Variants in OSMR observed in about 807,000 individuals in gnomAD.
OSMR encodes oncostatin-M-specific receptor subunit beta.
A neutral mutation model predicts 99.9 loss-of-function variants in OSMR; 81 were observed. The observed-to-expected ratio is 0.81, with a 90% CI of 0.68 to 0.97. OSMR has a LOEUF of 0.97. Ranked by LOEUF, OSMR falls within the 50% of genes least tolerant of loss-of-function variation. The pLI is 0.00. For missense variants in OSMR, 1,099 were observed against 1,153.4 expected (o/e 0.95, Z 0.68); for synonymous variants, 406 against 410.4 (o/e 0.99, Z 0.13).
At chr5:38,868,839 A>C (rs1742147895) in intron 1 of OSMR, 193 bp from the exon 2 acceptor site, 1 of 191,810 alleles carries the variant, frequency 5.2e-6, no homozygotes, top group African/African-American at 2.4e-5. Context: ...AGACCCAAAA[A>C]GGTCCCATGG....
At chr5:38,943,016 T>C (rs969099161) in intron 1 of OSMR, 2 of 1,437,124 alleles carry the variant, frequency 1.4e-6, no homozygotes, top group Non-Finnish European at 2.0e-6. Flanking sequence ...AATCATGATG[T>C]ATCTATTTTT....
At chr5:38,877,741 C>T (rs1423157829) in intron 3 of OSMR, among the ~76,000 whole-genome samples, 1 of 152,138 alleles carries the variant, frequency 6.6e-6, no homozygotes, top group Non-Finnish European at 1.5e-5. Flanking sequence ...TAACATTAAC[C>T]ATAGACTACA....
chr5:38,919,122 T>C, intron 11 of OSMR, 60 bp downstream of exon 11: 3 of 1,589,248 alleles, frequency 1.9e-6, no homozygotes, highest in Non-Finnish European at 2.6e-6. Flanking sequence ...ATGACGTTAT[T>C]AAGTAGTGAT....
chr5:38,931,876 C>T lies in OSMR; in HGVS notation c.2213-7C>T, dbSNP rs945632821. 14 of 1,611,650 alleles carry T rather than the reference C, an allele frequency of 8.7e-6. No homozygotes were observed. The highest frequency in any genetic ancestry group is 3.3e-5 in the Admixed American group (2 of 59,988). ...TTAAAAATGTCCCTTTCTTTTTCCT[C>T]GTTCAGCCTCGATGCTGATTCATAT... On this transcript the variant is annotated splice_region_variant and splice_polypyrimidine_tract_variant and intron_variant, in intron 15 of 17. Coordinates refer to ENST00000274276, the MANE Select transcript of OSMR (RefSeq NM_003999.3).
At chr5:38,879,664 C>T (rs1472397799) in intron 3 of OSMR, among the ~76,000 whole-genome samples, 1 of 144,618 alleles carries the variant, frequency 6.9e-6, no homozygotes, top group Non-Finnish European at 1.5e-5. Context: ...CACTCTGTTG[C>T]CCAGGGTGGA....
rs552942813 is a variant in OSMR at position 38,934,815 on chromosome 5, ATTAT to A, written c.*1374_*1377del. The A allele has an allele frequency of 1.3e-5, 2 of 148,358 alleles. No individual in the cohort carries two copies. The highest frequency in any genetic ancestry group is 2.1e-4 in the East Asian group (1 of 4,818). 9.2% of individuals were successfully genotyped at this position (148,358 alleles called of 1,614,324 possible). A position where few individuals can be genotyped will look rare whatever the true frequency, so the allele number is the denominator to read the frequency against. ...CCACCATGCCCAGCCTATTTGTCAC[ATTAT>A]TTGTCACATTTATTTTACTTTTATT... On this transcript the variant is annotated 3_prime_UTR_variant, in exon 18 of 18. Transcript: ENST00000274276.
At chr5:38,936,031 G>T (rs1423880195), downstream of OSMR, among the ~76,000 whole-genome samples, 1 of 152,114 alleles carries the variant, frequency 6.6e-6, no homozygotes, top group Non-Finnish European at 1.5e-5. Flanking sequence ...AATACTATAT[G>T]CCATCTTAAC....
At chr5:38,919,102 G>A in intron 11 of OSMR, 40 bp downstream of exon 11, 1 of 1,607,212 alleles carries the variant, frequency 6.2e-7, no homozygotes, top group Non-Finnish European at 8.5e-7. Context: ...TATTCTCTAG[G>A]AAAATGTTGA....
chr5:38,884,463 G>C (rs1743552119), intron 5 of OSMR, among the ~76,000 whole-genome samples: 1 of 152,146 alleles, frequency 6.6e-6, no homozygotes, highest in Non-Finnish European at 1.5e-5. Context: ...GACAACCATG[G>C]AGTCAGCCAG....
intron 11 of OSMR, among the ~76,000 whole-genome samples, chr5:38,920,369 C>T (rs1746173324): frequency 6.6e-6 from 1 of 152,170 alleles, no homozygotes; most frequent in African/African-American, 2.4e-5. Flanking sequence ...TTTGATCTAC[C>T]TCCATCTCTC....
At chr5:38,938,585 T>C, downstream of OSMR, 2 of 232,796 alleles carry the variant, frequency 8.6e-6, no homozygotes, top group East Asian at 6.1e-5. Context: ...ATTACAAAAA[T>C]ACTCCAAACA....
intron 7 of OSMR, among the ~76,000 whole-genome samples, chr5:38,890,127 T>C (rs1325088721): frequency 1.3e-5 from 2 of 152,268 alleles, no homozygotes; most frequent in Admixed American, 1.3e-4. Flanking sequence ...AGAAGGTGTC[T>C]ATGTGATACG....
At chr5:38,945,140 A>G (rs1346225586), downstream of OSMR, 2 of 1,040,032 alleles carry the variant, frequency 1.9e-6, no homozygotes, top group African/African-American at 1.6e-5. Flanking sequence ...TTGCATGCTA[A>G]AAAGAAATAA....
intron 9 of OSMR, among the ~76,000 whole-genome samples, chr5:38,913,793 C>G (rs1745745117): frequency 6.6e-6 from 1 of 152,186 alleles, no homozygotes; most frequent in Non-Finnish European, 1.5e-5. Context: ...CACTGTCCTG[C>G]TAGACCTTCT....
chr5:38,929,672 A>G (rs1191741288), intron 15 of OSMR, among the ~76,000 whole-genome samples: 1 of 152,198 alleles, frequency 6.6e-6, no homozygotes, highest in African/African-American at 2.4e-5. Flanking sequence ...AAATGAGCAT[A>G]TATATACCTT....
downstream of OSMR, chr5:38,945,178 T>G: frequency 1.2e-6 from 1 of 813,998 alleles, no homozygotes; most frequent in Non-Finnish European, 1.9e-6. Context: ...TCTAATTGTA[T>G]GCAATATACC....
At chr5:38,872,677 A>G (rs775399325) in intron 2 of OSMR, among the ~76,000 whole-genome samples, 1 of 152,228 alleles carries the variant, frequency 6.6e-6, no homozygotes, top group Non-Finnish European at 1.5e-5. Flanking sequence ...ACCAAAAAGT[A>G]TAAAGAAGAA....
At chr5:38,922,737 G>C (rs1746293035) in intron 12 of OSMR, among the ~76,000 whole-genome samples, 1 of 152,160 alleles carries the variant, frequency 6.6e-6, no homozygotes. Context: ...ATTCCTGAAA[G>C]CCAATTATTA....
At chr5:38,906,158 C>T in intron 9 of OSMR, among the ~76,000 whole-genome samples, 1 of 131,624 alleles carries the variant, frequency 7.6e-6, no homozygotes, top group African/African-American at 3.0e-5. Flanking sequence ...TATTATTTTG[C>T]TTTACGTTTT....
Sources: allele counts gnomAD v4.1 joint callset (sites outside exome capture counted in the v4.1 genomes callset), GRCh38; gene constraint gnomAD v4.1.1; transcripts MANE v1.5; gene names NCBI Gene and HGNC (gene_info 2026-07-23, HGNC 2026-07-21).